Variants in CAPN2 observed in about 807,000 individuals in gnomAD.
The protein encoded by CAPN2 is calpain-2 catalytic subunit.
A neutral mutation model predicts 102.3 loss-of-function variants in CAPN2; 92 were observed. The observed-to-expected ratio is 0.90, with a 90% CI of 0.76 to 1.07. The LOEUF (loss-of-function observed/expected upper bound fraction) is 1.07. Among genes scored for constraint, CAPN2 ranks in the 50% least tolerant of loss-of-function variants. The probability of loss-of-function intolerance (pLI) is 0.00; values close to 1 mark genes in which losing one functional copy is unlikely to be tolerated. For missense variants in CAPN2, 800 were observed against 909.4 expected, an observed-to-expected ratio of 0.88 and a Z score of 1.55; for synonymous variants, 340 against 355.4, an observed-to-expected ratio of 0.96 and a Z score of 0.49.
At position 223,731,457 on chromosome 1, in the gene CAPN2, C is replaced by T. The variant is rs1210922168; in HGVS notation, c.308-12643C>T. Among the ~76,000 whole-genome samples, 1 of 152,100 alleles carries T rather than the reference C, an allele frequency of 6.6e-6. No individual in the cohort carries two copies. The highest frequency in any genetic ancestry group is 1.5e-5 in the Non-Finnish European group (1 of 68,010). ...CTGCTCTTCCTCACCCAGCTCCCCGCTCTAAGCCTTCCTCGCCCACCCCAG... is the reference window on the plus strand; with the variant it reads ...CTGCTCTTCCTCACCCAGCTCCCCGTTCTAAGCCTTCCTCGCCCACCCCAG... On this transcript the variant is annotated intron_variant, in intron 2 of 20. Coordinates refer to ENST00000295006, the MANE Select transcript of CAPN2 (RefSeq NM_001748.5). This position sits in a 1 kb window ranked among gnomAD's most constrained non-coding sequence, Gnocchi z 4.2.
At chr1:223,711,521 G>A (rs1213514160), upstream of CAPN2, among the ~76,000 whole-genome samples, 1 of 152,066 alleles carries the variant, frequency 6.6e-6, no homozygotes, top group African/African-American at 2.4e-5. Flanking sequence ...GCAATATTTG[G>A]GCCCTACATA....
At chr1:223,748,687 C>T (rs1028832694) in intron 5 of CAPN2, among the ~76,000 whole-genome samples, 4 of 149,240 alleles carry the variant, frequency 2.7e-5, no homozygotes, top group African/African-American at 1.0e-4. Flanking sequence ...TGCGCCCTTT[C>T]CCTGCGCCAT....
intron 2 of CAPN2, among the ~76,000 whole-genome samples, chr1:223,728,926 A>C (rs757973374): frequency 1.3e-5 from 2 of 152,234 alleles, no homozygotes; most frequent in Non-Finnish European, 2.9e-5. Flanking sequence ...TGTTATAGGA[A>C]GAGCAGTGGG....
At chr1:223,772,574 A>G in intron 20 of CAPN2, 1 of 266,724 alleles carries the variant, frequency 3.7e-6, no homozygotes, top group Non-Finnish European at 7.0e-6. Flanking sequence ...ATGTTTATAT[A>G]AAGAAATCCT....
chr1:223,731,207 T>G lies in CAPN2; in HGVS notation c.308-12893T>G, dbSNP rs555329506. Among the ~76,000 whole-genome samples, 1 of 152,168 alleles carries G rather than the reference T, an allele frequency of 6.6e-6. No individual in the cohort carries two copies. The highest frequency in any genetic ancestry group is 1.9e-4 in the East Asian group (1 of 5,174). On this transcript the variant is annotated intron_variant, in intron 2 of 20. Transcript: ENST00000295006. The surrounding 1 kb of genome is among the most constrained non-coding windows in gnomAD (Gnocchi z 4.2). Reference sequence around the variant, plus strand: ...ATTCATTCTGAAAAAGGCAAATATTTTATTATGCTTGGAGGGTCTGGTGCA... The same window carrying G: ...ATTCATTCTGAAAAAGGCAAATATTGTATTATGCTTGGAGGGTCTGGTGCA...
intron 20 of CAPN2, 36 bp downstream of exon 20, chr1:223,772,275 T>G: frequency 6.3e-7 from 1 of 1,587,630 alleles, no homozygotes; most frequent in Non-Finnish European, 8.6e-7. Context: ...TCTAAGGGGA[T>G]GGGGGAGGCA....
intron 1 of CAPN2, among the ~76,000 whole-genome samples, chr1:223,716,350 TC>T (rs1234393177): frequency 1.3e-5 from 2 of 152,224 alleles, no homozygotes; most frequent in Admixed American, 1.3e-4. Context: ...ATAAACAGGC[TC>T]CCAGCACCAA....
At chr1:223,739,588 TCAGA>T (rs1334834381) in intron 2 of CAPN2, among the ~76,000 whole-genome samples, 1 of 152,156 alleles carries the variant, frequency 6.6e-6, no homozygotes, top group Non-Finnish European at 1.5e-5. Flanking sequence ...AGTGCACTGT[TCAGA>T]CAGTCCTCTG....
upstream of CAPN2, among the ~76,000 whole-genome samples, chr1:223,710,995 C>A (rs1182947065): frequency 6.6e-6 from 1 of 152,192 alleles, no homozygotes; most frequent in African/African-American, 2.4e-5. Flanking sequence ...CATCTTCAAC[C>A]ATGGCAAAAG....
At chr1:223,766,817 G>A (rs886184319) in intron 16 of CAPN2, among the ~76,000 whole-genome samples, 2 of 152,122 alleles carry the variant, frequency 1.3e-5, no homozygotes, top group Non-Finnish European at 2.9e-5. Context: ...AAAATTAGCT[G>A]GGTGTGGTGG....
chr1:223,710,831 G>A (rs1383769138), upstream of CAPN2, among the ~76,000 whole-genome samples: 24 of 11,300 alleles, frequency 2.1e-3, no homozygotes, highest in African/African-American at 5.9e-3. Flanking sequence ...ACCACCCCCC[G>A]CCACTTTGAG....
intron 4 of CAPN2, 98 bp downstream of exon 4, chr1:223,745,537 G>C: frequency 7.2e-7 from 1 of 1,383,076 alleles, no homozygotes; most frequent in East Asian, 2.3e-5. Flanking sequence ...TTGGGAGGCC[G>C]AGGTGGGTGG....
chr1:223,721,657 C>T (rs898444248), intron 2 of CAPN2, among the ~76,000 whole-genome samples: 1 of 152,202 alleles, frequency 6.6e-6, no homozygotes, highest in Non-Finnish European at 1.5e-5. Context: ...AGGTGTTTAG[C>T]TACAGGGTGC....
chr1:223,772,379 G>A (rs763603125), intron 20 of CAPN2, 140 bp downstream of exon 20: 1 of 643,086 alleles, frequency 1.6e-6, no homozygotes, highest in Non-Finnish European at 2.7e-6. Context: ...GTAACCGGTT[G>A]TAAGATCCCA....
At chr1:223,757,589 G>T in intron 11 of CAPN2, 1 of 574,942 alleles carries the variant, frequency 1.7e-6, no homozygotes, top group East Asian at 2.8e-5. Flanking sequence ...AAGTCCTTGT[G>T]GGACCCGCTG....
Position 223,720,882 on chromosome 1 carries a change from C to T in CAPN2, c.307+3051C>T, listed in dbSNP as rs181667987. On this transcript the variant is annotated intron_variant, in intron 2 of 20. Transcript: ENST00000295006. ...TCCTACACTCTTCCTAACCCATGCT[C>T]CCTCCAATTTGCCATAGTGCTGTGC... is the stretch of plus-strand genomic sequence containing the variant. Among the ~76,000 whole-genome samples, 21 of 152,248 alleles carry T rather than the reference C, an allele frequency of 1.4e-4. 1 individual carries two copies. Among genetic ancestry groups the T allele is most frequent in the Admixed American group, 1.1e-3 (17 of 15,300 alleles).
intron 2 of CAPN2, among the ~76,000 whole-genome samples, chr1:223,723,194 G>C (rs561644658): frequency 6.6e-6 from 1 of 152,086 alleles, no homozygotes; most frequent in South Asian, 2.1e-4. Flanking sequence ...CATGCCTGTC[G>C]TCCCAGCTAC....
intron 14 of CAPN2, 38 bp from the exon 15 acceptor site, chr1:223,764,111 CG>C: frequency 1.3e-6 from 2 of 1,568,528 alleles, no homozygotes; most frequent in Non-Finnish European, 1.8e-6. Flanking sequence ...CCAGCTCCCA[CG>C]GGGGGCCAAT....
In CAPN2 at chr1:223,741,419, ATGTATATATATATATAATG is replaced by A. The variant is rs1333025460; in HGVS notation, c.308-2664_308-2646del. On this transcript the variant is annotated intron_variant, in intron 2 of 20. Coordinates refer to ENST00000295006, the MANE Select transcript of CAPN2 (RefSeq NM_001748.5). The stretch of plus-strand genomic sequence containing the variant: ...AACTTTTTGAATCTTTGGCTGTAAA[ATGTATATATATATATAATG>A]TGTATATATATATATATATATATAT... Among the ~76,000 whole-genome samples, 93 of 109,298 alleles carry A rather than the reference ATGTATATATATATATAATG, an allele frequency of 8.5e-4. 1 individual carries two copies. Among genetic ancestry groups the A allele is most frequent in the African/African-American group, 4.7e-3 (85 of 18,170 alleles). 71.7% of individuals were successfully genotyped at this position (109,298 alleles called of 152,430 possible).
Sources: gnomAD v4.1 joint callset for allele counts (sites outside exome capture counted in the v4.1 genomes callset) on GRCh38, gnomAD v4.1.1 for gene constraint, Gnocchi (gnomAD v3.1) non-coding constraint, MANE v1.5 for transcripts, NCBI Gene and HGNC (gene_info 2026-07-23, HGNC 2026-07-21) for gene names.